Variants in LRMDA observed in about 807,000 individuals in gnomAD.
LRMDA encodes leucine-rich melanocyte differentiation-associated protein.
In LRMDA, 18 loss-of-function variants were observed where a neutral mutation model predicts 29.8. The ratio of observed to expected loss-of-function variants is 0.60; its 90% CI spans 0.42 to 0.90. LRMDA has a LOEUF of 0.90. Ranked by LOEUF, LRMDA falls within the 40% of genes least tolerant of loss-of-function variation. The pLI is 0.00. For missense variants in LRMDA, 273 were observed against 273.9 expected (o/e 1.00, Z 0.02); for synonymous variants, 125 against 109.4 (o/e 1.14, Z -0.89).
intron 2 of LRMDA, among the ~76,000 whole-genome samples, chr10:75,844,021 G>C (rs921239639): frequency 2.0e-5 from 3 of 152,122 alleles, no homozygotes; most frequent in African/African-American, 7.2e-5. Flanking sequence ...AGCCCCTGTA[G>C]ATGAAAAAGT....
intron 2 of LRMDA, among the ~76,000 whole-genome samples, chr10:75,611,161 G>C (rs1211073880): frequency 1.3e-5 from 2 of 152,146 alleles, no homozygotes; most frequent in African/African-American, 4.8e-5. Context: ...TTTGGAGGCA[G>C]AAGGTAGGCA....
intron 2 of LRMDA, among the ~76,000 whole-genome samples, chr10:75,842,065 T>A (rs988068083): frequency 6.6e-6 from 1 of 152,234 alleles, no homozygotes; most frequent in African/African-American, 2.4e-5. Flanking sequence ...ACCATTGAAA[T>A]TTTAACATTA....
chr10:76,431,097 A>G (rs1842185849), intron 6 of LRMDA, among the ~76,000 whole-genome samples: 1 of 152,178 alleles, frequency 6.6e-6, no homozygotes, highest in South Asian at 2.1e-4. Flanking sequence ...TTTCTGGTGA[A>G]AAATATGTCT....
At chr10:76,354,168 G>A (rs554406904) in intron 6 of LRMDA, among the ~76,000 whole-genome samples, 1 of 152,056 alleles carries the variant, frequency 6.6e-6, no homozygotes, top group Non-Finnish European at 1.5e-5. Context: ...TATGGCTCAG[G>A]GTATAATATT....
At chr10:76,313,224 G>A (rs754019226) in intron 5 of LRMDA, among the ~76,000 whole-genome samples, 4 of 152,142 alleles carry the variant, frequency 2.6e-5, no homozygotes, top group Non-Finnish European at 5.9e-5. Flanking sequence ...TAGGAGTTGT[G>A]ACTCCTCGTG....
intron 2 of LRMDA, among the ~76,000 whole-genome samples, chr10:75,457,504 G>A (rs1844533733): frequency 6.7e-6 from 1 of 150,282 alleles, no homozygotes; most frequent in Admixed American, 6.6e-5. Context: ...AGTTGCGGGG[G>A]AGACAACTAA....
At chr10:76,461,999 G>A (rs1306476618) in intron 6 of LRMDA, among the ~76,000 whole-genome samples, 5 of 147,764 alleles carry the variant, frequency 3.4e-5, no homozygotes, top group Non-Finnish European at 3.0e-5. Context: ...AACCAGGGAG[G>A]TCAAGGCTGC....
intron 2 of LRMDA, among the ~76,000 whole-genome samples, chr10:75,849,792 G>T (rs866369163): frequency 6.6e-6 from 1 of 152,150 alleles, no homozygotes; most frequent in African/African-American, 2.4e-5. Context: ...AAGTAGTTCT[G>T]TTGAAAAAAC....
intron 6 of LRMDA, among the ~76,000 whole-genome samples, chr10:76,474,762 T>C (rs1842650197): frequency 6.6e-6 from 1 of 151,638 alleles, no homozygotes; most frequent in Admixed American, 6.6e-5. Flanking sequence ...CCTCATACAT[T>C]GCTGTTGAGA....
At chr10:76,214,863 C>A (rs144553316) in intron 5 of LRMDA, among the ~76,000 whole-genome samples, 104 of 152,284 alleles carry the variant, frequency 6.8e-4, no homozygotes, top group African/African-American at 2.4e-3. Context: ...GATTTTGGGG[C>A]TTTTGTTTTC....
intron 2 of LRMDA, among the ~76,000 whole-genome samples, chr10:75,526,148 C>G (rs1383848780): frequency 6.6e-6 from 1 of 152,044 alleles, no homozygotes; most frequent in Non-Finnish European, 1.5e-5. Context: ...CCACTGCAGC[C>G]TCAACCTCCT....
chr10:76,314,715 T>A (rs1458181609), intron 5 of LRMDA, among the ~76,000 whole-genome samples: 1 of 152,224 alleles, frequency 6.6e-6, no homozygotes, highest in Non-Finnish European at 1.5e-5. Context: ...AAATAATACC[T>A]GTGTTTAACA....
chr10:76,550,090 A>G (rs538901869), intron 6 of LRMDA, among the ~76,000 whole-genome samples: 1 of 152,236 alleles, frequency 6.6e-6, no homozygotes, highest in Admixed American at 6.5e-5. Context: ...TACTGTAAAA[A>G]TTACGTGATA....
intron 5 of LRMDA, among the ~76,000 whole-genome samples, chr10:76,120,806 A>G (rs905206178): frequency 2.0e-5 from 3 of 150,462 alleles, no homozygotes; most frequent in Admixed American, 6.6e-5. Context: ...GATAAAAACA[A>G]TTTGTTTCTT....
chr10:76,019,952 C>T (rs976390652), intron 2 of LRMDA, among the ~76,000 whole-genome samples: 1 of 152,170 alleles, frequency 6.6e-6, no homozygotes, highest in South Asian at 2.1e-4. Context: ...TGCAGGTGGT[C>T]CACGAGCCAC....
intron 2 of LRMDA, among the ~76,000 whole-genome samples, chr10:75,890,404 G>A (rs1370397867): frequency 1.3e-5 from 2 of 152,174 alleles, no homozygotes; most frequent in Non-Finnish European, 2.9e-5. Context: ...TAATAAAGAG[G>A]TAATATCAGG....
At chr10:76,441,551 A>T (rs893500999) in intron 6 of LRMDA, among the ~76,000 whole-genome samples, 1 of 152,216 alleles carries the variant, frequency 6.6e-6, no homozygotes, top group African/African-American at 2.4e-5. Context: ...CAAGGCACAC[A>T]TAAAGTACGG....
chr10:76,298,299 C>A (rs1297267895), intron 5 of LRMDA, among the ~76,000 whole-genome samples: 1 of 152,206 alleles, frequency 6.6e-6, no homozygotes, highest in Non-Finnish European at 1.5e-5. Context: ...GTACCAGCTG[C>A]ATATTGGAGA....
chr10:75,577,730 T>A (rs1426107629), intron 2 of LRMDA, among the ~76,000 whole-genome samples: 1 of 152,170 alleles, frequency 6.6e-6, no homozygotes, highest in Non-Finnish European at 1.5e-5. Flanking sequence ...TGGGGGCCAA[T>A]ATTCAACATT....
Sources: allele counts gnomAD v4.1 joint callset (sites outside exome capture counted in the v4.1 genomes callset), GRCh38; gene constraint gnomAD v4.1.1; transcripts MANE v1.5; gene names NCBI Gene and HGNC (gene_info 2026-07-23, HGNC 2026-07-21).